OSBPL3: variants seen among roughly 807,000 people sequenced by gnomAD.
The protein encoded by OSBPL3 is oxysterol binding protein like 3.
In OSBPL3, 65 loss-of-function variants were observed where a neutral mutation model predicts 120.1. The observed-to-expected ratio is 0.54, with a 90% CI of 0.44 to 0.67. OSBPL3 has a LOEUF of 0.67. OSBPL3 is among the 30% of genes least tolerant of loss of function. The pLI, the probability that OSBPL3 is intolerant of heterozygous loss-of-function variation, is 0.00. For missense variants in OSBPL3, 1,004 were observed against 1,082.1 expected (o/e 0.93, Z 1.01); for synonymous variants, 416 against 402.6 (o/e 1.03, Z -0.40).
intron 12 of OSBPL3, among the ~76,000 whole-genome samples, chr7:24,844,212 T>C (rs1798122501): frequency 6.6e-6 from 1 of 152,260 alleles, no homozygotes; most frequent in African/African-American, 2.4e-5. Flanking sequence ...TCCTTTCACA[T>C]ATGTAATGCA....
intron 2 of OSBPL3, among the ~76,000 whole-genome samples, chr7:24,874,096 TA>T: frequency 6.6e-6 from 1 of 152,328 alleles, no homozygotes; most frequent in Middle Eastern, 3.4e-3. Context: ...GGCAAATGAA[TA>T]AACTTAGTCT....
intron 13 of OSBPL3, 91 bp downstream of exon 13, chr7:24,842,188 G>C (rs1181909306): frequency 7.4e-7 from 1 of 1,351,806 alleles, no homozygotes; most frequent in Admixed American, 2.0e-5. Context: ...TGAGTTTAGT[G>C]TTTCTGATGA....
chr7:24,911,853 A>T (rs1282958763), intron 1 of OSBPL3, among the ~76,000 whole-genome samples: 1 of 152,222 alleles, frequency 6.6e-6, no homozygotes, highest in Non-Finnish European at 1.5e-5. Flanking sequence ...GAAAAAAGAG[A>T]GACATAAAAG....
intron 1 of OSBPL3, among the ~76,000 whole-genome samples, chr7:24,950,505 G>C (rs1372346361): frequency 6.6e-6 from 1 of 151,756 alleles, no homozygotes; most frequent in Admixed American, 6.6e-5. Context: ...GGCGGATCAC[G>C]AGGTCAGGAG....
At chr7:24,928,332 T>G (rs547694422) in intron 1 of OSBPL3, among the ~76,000 whole-genome samples, 12 of 151,974 alleles carry the variant, frequency 7.9e-5, no homozygotes, top group South Asian at 2.1e-4. Context: ...GCTGGGACTA[T>G]AGGCGCCCGC....
At chr7:24,917,446 T>TATATTTGTAACATATATATACAC (rs1366145573) in intron 1 of OSBPL3, among the ~76,000 whole-genome samples, 1 of 122,230 alleles carries the variant, frequency 8.2e-6, no homozygotes, top group African/African-American at 3.1e-5. Flanking sequence ...TATATATATA[T>TATATTTGTAACATATATATACAC]ACACACACAT....
intron 18 of OSBPL3, 109 bp downstream of exon 18, chr7:24,816,501 A>C (rs1794480734): frequency 2.7e-6 from 2 of 727,970 alleles, no homozygotes; most frequent in African/African-American, 3.5e-5. Flanking sequence ...TAAAAGAAAA[A>C]ATACACACTC....
At chr7:24,958,521 A>G (rs928541667) in intron 1 of OSBPL3, among the ~76,000 whole-genome samples, 6 of 152,158 alleles carry the variant, frequency 3.9e-5, no homozygotes, top group African/African-American at 1.4e-4. Flanking sequence ...TTGACAGTCA[A>G]GTTCAAAGGC....
chr7:24,929,798 A>T (rs570360421), intron 1 of OSBPL3, among the ~76,000 whole-genome samples: 2 of 152,256 alleles, frequency 1.3e-5, no homozygotes, highest in African/African-American at 4.8e-5. Flanking sequence ...TTCCAAAAGC[A>T]TAAGTAATCA....
Position 24,808,816 on chromosome 7 carries a change from G to A in OSBPL3, c.2317+991C>T, listed in dbSNP as rs912480911. 1.3e-5 allele frequency among the ~76,000 whole-genome samples: 2 copies of A among 152,172 alleles called. No homozygotes were observed. Among genetic ancestry groups the A allele is most frequent in the East Asian group, 1.9e-4 (1 of 5,204 alleles). On this transcript the variant is annotated intron_variant, in intron 20 of 22. Coordinates refer to ENST00000313367, the MANE Select transcript of OSBPL3 (RefSeq NM_015550.4). This position sits in a 1 kb window ranked among gnomAD's most constrained non-coding sequence, Gnocchi z 4.6. Reference sequence around the variant, plus strand: ...GGGTCTGAACCCACTGCAGGCTGACGTGATATAAAGTCCCATTTGCTGCGG... The same window carrying A: ...GGGTCTGAACCCACTGCAGGCTGACATGATATAAAGTCCCATTTGCTGCGG...
At position 24,979,911 on chromosome 7, in the gene OSBPL3, T is replaced by A; in HGVS notation, c.-175A>T. On this transcript the variant is annotated 5_prime_UTR_variant, in exon 1 of 23. Coordinates refer to ENST00000313367, the MANE Select transcript of OSBPL3 (RefSeq NM_015550.4). ...CTGAGCGCTGTGCAGCCGGAGACGC[T>A]CCCTAGTTCCCCGGGGCCGGGCTCC... 1 of 983,070 alleles carries A rather than the reference T, an allele frequency of 1.0e-6. No homozygotes were observed. 60.9% of individuals were successfully genotyped at this position (983,070 alleles called of 1,614,324 possible).
chr7:24,892,028 G>A (rs1021729854), intron 2 of OSBPL3, among the ~76,000 whole-genome samples: 8 of 152,210 alleles, frequency 5.3e-5, no homozygotes, highest in African/African-American at 1.9e-4. Context: ...AACAGACTGA[G>A]CTTTGCTTCT....
chr7:24,819,897 C>T lies in OSBPL3; in HGVS notation c.1948+278G>A, dbSNP rs17150225. On this transcript the variant is annotated intron_variant, in intron 17 of 22. Coordinates refer to ENST00000313367, the MANE Select transcript of OSBPL3 (RefSeq NM_015550.4). The surrounding 1 kb of genome is among the most constrained non-coding windows in gnomAD (Gnocchi z 4.1). ...AAGCTGAAAACCCCTCTGCTGTCTACACTCTGATAAACAACTGTAAATATT... is the reference window on the plus strand; with the variant it reads ...AAGCTGAAAACCCCTCTGCTGTCTATACTCTGATAAACAACTGTAAATATT... 0.046 allele frequency among the ~76,000 whole-genome samples: 7,010 copies of T among 152,256 alleles called. 319 individuals carry two copies. Among genetic ancestry groups the T allele is most frequent in the East Asian group, 0.14 (705 of 5,184 alleles).
intron 10 of OSBPL3, among the ~76,000 whole-genome samples, chr7:24,859,206 G>A (rs1163212849): frequency 1.3e-5 from 2 of 152,074 alleles, no homozygotes; most frequent in Non-Finnish European, 2.9e-5. Context: ...GAGAGCTGAA[G>A]GAATCAGTAA....
rs962290347 is a variant in OSBPL3, at chr7:24,799,916, A to C, written c.*267T>G. 14 of 178,764 alleles carry C rather than the reference A, an allele frequency of 7.8e-5. No homozygotes were observed. The highest frequency in any genetic ancestry group is 3.5e-5 in the Non-Finnish European group (3 of 85,650). 11.1% of individuals were successfully genotyped at this position (178,764 alleles called of 1,614,324 possible). On this transcript the variant is annotated 3_prime_UTR_variant, in exon 23 of 23. Coordinates refer to ENST00000313367, the MANE Select transcript of OSBPL3 (RefSeq NM_015550.4). This position sits in a 1 kb window ranked among gnomAD's most constrained non-coding sequence, Gnocchi z 5.3. ...TAAAGCTTCTTTTTTTAACCCACACATGAACATTCAATCTTTCATTTTTAT... is the reference window on the plus strand; with the variant it reads ...TAAAGCTTCTTTTTTTAACCCACACCTGAACATTCAATCTTTCATTTTTAT...
Position 24,831,560 on chromosome 7 carries a change from C to A in OSBPL3, c.1747-655G>T, listed in dbSNP as rs1423508847. Reference sequence around the variant, plus strand: ...TACGTGAACACGAAGTGAACAAACTCTCTGGGCAGCCCTTACTGTGAGGTC... The same window carrying A: ...TACGTGAACACGAAGTGAACAAACTATCTGGGCAGCCCTTACTGTGAGGTC... On this transcript the variant is annotated intron_variant, in intron 15 of 22. Transcript: ENST00000313367. The surrounding 1 kb of genome is among the most constrained non-coding windows in gnomAD (Gnocchi z 4.0). Among the ~76,000 whole-genome samples the A allele has an allele frequency of 6.6e-6, 1 of 152,204 alleles. No homozygotes were observed. Among genetic ancestry groups the A allele is most frequent in the Non-Finnish European group, 1.5e-5 (1 of 68,044 alleles).
intron 2 of OSBPL3, among the ~76,000 whole-genome samples, chr7:24,889,980 T>A (rs1428084067): frequency 2.0e-5 from 3 of 152,088 alleles, no homozygotes; most frequent in African/African-American, 7.2e-5. Context: ...TGCACTGGGG[T>A]CCTGGGAGGT....
rs1321560819 is a variant in OSBPL3, at chr7:24,835,763, G to A, written c.1496-1027C>T. On this transcript the variant is annotated intron_variant, in intron 14 of 22. Transcript: ENST00000313367. The surrounding 1 kb of genome is among the most constrained non-coding windows in gnomAD (Gnocchi z 4.8). ...AAAGAATGGGATCATAGCCTTTGCA[G>A]CAACATAGATGGAGCTGGAGGCCGT... 6.6e-6 allele frequency among the ~76,000 whole-genome samples: 1 copy of A among 152,110 alleles called. No individual in the cohort carries two copies. The highest frequency in any genetic ancestry group is 1.9e-4 in the East Asian group (1 of 5,186).
intron 2 of OSBPL3, among the ~76,000 whole-genome samples, chr7:24,890,614 T>C (rs1805205772): frequency 6.6e-6 from 1 of 152,218 alleles, no homozygotes; most frequent in Non-Finnish European, 1.5e-5. Context: ...ATGGGCTTTA[T>C]AACTAACTTC....
Sources: allele counts gnomAD v4.1 joint callset (sites outside exome capture counted in the v4.1 genomes callset), GRCh38; gene constraint gnomAD v4.1.1; non-coding constraint Gnocchi (gnomAD v3.1); transcripts MANE v1.5; gene names NCBI Gene and HGNC (gene_info 2026-07-23, HGNC 2026-07-21).